SIPA1L2: variants seen among roughly 807,000 people sequenced by gnomAD.
The protein encoded by SIPA1L2 is signal-induced proliferation-associated 1-like protein 2.
In SIPA1L2, 56 loss-of-function variants were observed where a neutral mutation model predicts 163.9. That is an observed-to-expected ratio of 0.34 (90% confidence interval 0.28 to 0.43). The LOEUF (loss-of-function observed/expected upper bound fraction) is 0.43, where lower values mean the gene tolerates loss of function less well. SIPA1L2 is among the 20% of genes least tolerant of loss of function. SIPA1L2 has a pLI of 1.00. For missense variants in SIPA1L2, 1,974 were observed against 2,193.5 expected, an observed-to-expected ratio of 0.90 and a Z score of 2.00; for synonymous variants, 877 against 865.7, an observed-to-expected ratio of 1.01 and a Z score of -0.23.
chr1:232,512,089 A>T (rs924236570), intron 3 of SIPA1L2, among the ~76,000 whole-genome samples: 1 of 152,262 alleles, frequency 6.6e-6, no homozygotes, highest in Non-Finnish European at 1.5e-5. Context: ...TCTCAAAAGA[A>T]GACATTTATG....
At chr1:232,617,227 A>G (rs1662547607) in intron 1 of SIPA1L2, among the ~76,000 whole-genome samples, 1 of 152,232 alleles carries the variant, frequency 6.6e-6, no homozygotes, top group African/African-American at 2.4e-5. Flanking sequence ...CAATGCTGTG[A>G]GCTGGCCTGA....
chr1:232,561,987 C>T lies in SIPA1L2; in HGVS notation c.-270+12187G>A, dbSNP rs1315689629. 3.3e-5 allele frequency among the ~76,000 whole-genome samples: 5 copies of T among 152,184 alleles called. No homozygotes were observed. In the East Asian group the frequency reaches 5.8e-4, roughly 18 times the overall value. ...AAGCCAACCACCTGATGGGTCCCAC[C>T]GCGCCAGCTGCTCTGAGAGGCCCTG... On this transcript the variant is annotated intron_variant, in intron 2 of 22. Transcript: ENST00000674635.
chr1:232,598,673 C>T (rs1161567104), intron 1 of SIPA1L2, among the ~76,000 whole-genome samples: 1 of 152,148 alleles, frequency 6.6e-6, no homozygotes, highest in Non-Finnish European at 1.5e-5. Context: ...CACAGAACGT[C>T]ACCATCTTAC....
chr1:232,551,746 C>T (rs535630224), intron 2 of SIPA1L2, among the ~76,000 whole-genome samples: 1 of 152,378 alleles, frequency 6.6e-6, no homozygotes, highest in South Asian at 2.1e-4. Flanking sequence ...TAAAAAGCTA[C>T]AGCCGGAGTG....
chr1:232,618,839 C>T (rs910929112), intron 1 of SIPA1L2, among the ~76,000 whole-genome samples: 2 of 152,076 alleles, frequency 1.3e-5, no homozygotes, highest in South Asian at 4.2e-4. Context: ...TAATTTTATA[C>T]CAAAACGTCA....
chr1:232,595,664 G>A (rs974088233), intron 1 of SIPA1L2, among the ~76,000 whole-genome samples: 5 of 152,136 alleles, frequency 3.3e-5, no homozygotes, highest in Non-Finnish European at 7.3e-5. Flanking sequence ...ACTTTCATAT[G>A]AACTGTCTAA....
chr1:232,597,522 CCA>C (rs1661330619), intron 1 of SIPA1L2, among the ~76,000 whole-genome samples: 1 of 141,844 alleles, frequency 7.1e-6, no homozygotes, highest in Non-Finnish European at 1.5e-5. Flanking sequence ...CTAAAAAATA[CCA>C]AAAAAAAAAA....
At chr1:232,501,954 T>C (rs553910099) in intron 3 of SIPA1L2, among the ~76,000 whole-genome samples, 53 of 152,330 alleles carry the variant, frequency 3.5e-4, no homozygotes, top group African/African-American at 1.3e-3. Flanking sequence ...TTTTACTTTG[T>C]GGCATTATGC....
At chr1:232,402,357 G>A in intron 22 of SIPA1L2, 35 bp downstream of exon 22, 1 of 1,588,806 alleles carries the variant, frequency 6.3e-7, no homozygotes, top group East Asian at 2.2e-5. Context: ...TTTTATAAGA[G>A]AAACAGTTCT....
chr1:232,515,427 G>T lies in SIPA1L2; in HGVS notation c.-88C>A. On this transcript the variant is annotated 5_prime_UTR_variant, in exon 3 of 23. It adds an upstream start codon to the 5' untranslated region. Coordinates refer to ENST00000674635, the MANE Select transcript of SIPA1L2 (RefSeq NM_020808.5). ...TACCGACCACGCCATAATACTTGCA[G>T]ATATAAAGGCTTTGTCTGTAGTTGT... 7.5e-7 allele frequency: 1 copy of T among 1,340,788 alleles called. No individual in the cohort carries two copies. Among genetic ancestry groups the T allele is most frequent in the Non-Finnish European group, 1.0e-6 (1 of 997,746 alleles). 83.1% of individuals were successfully genotyped at this position (1,340,788 alleles called of 1,614,324 possible). A position where few individuals can be genotyped will look rare whatever the true frequency, so the allele number is the denominator to read the frequency against.
At chr1:232,544,265 T>C (rs900128682) in intron 2 of SIPA1L2, among the ~76,000 whole-genome samples, 1 of 152,176 alleles carries the variant, frequency 6.6e-6, no homozygotes, top group Admixed American at 6.5e-5. Flanking sequence ...GACTTTCTAA[T>C]ACAAAAGTGC....
chr1:232,449,022 C>T (rs1328446484), intron 10 of SIPA1L2, among the ~76,000 whole-genome samples: 8 of 151,946 alleles, frequency 5.3e-5, no homozygotes, highest in Non-Finnish European at 1.2e-4. Flanking sequence ...TGCTCACCAC[C>T]CCACAGAGAT....
At chr1:232,497,359 T>C (rs1422091192) in intron 3 of SIPA1L2, among the ~76,000 whole-genome samples, 1 of 150,242 alleles carries the variant, frequency 6.7e-6, no homozygotes, top group Non-Finnish European at 1.5e-5. Context: ...GCAGAGTCGA[T>C]GGGGGGAAGG....
At chr1:232,436,169 A>T (rs1662549925) in intron 15 of SIPA1L2, among the ~76,000 whole-genome samples, 1 of 152,170 alleles carries the variant, frequency 6.6e-6, no homozygotes, top group South Asian at 2.1e-4. Flanking sequence ...TTTATCAAGC[A>T]CTTTTCCTAG....
chr1:232,554,512 A>G (rs1658584668), intron 2 of SIPA1L2, among the ~76,000 whole-genome samples: 1 of 152,240 alleles, frequency 6.6e-6, no homozygotes, highest in Admixed American at 6.5e-5. Flanking sequence ...CCCTAAAAAT[A>G]GTTCCCTTTA....
Position 232,465,559 on chromosome 1 carries a change from C to CAT in SIPA1L2, c.2244-144_2244-143insAT. On this transcript the variant is annotated intron_variant, in intron 8 of 22. Coordinates refer to ENST00000674635, the MANE Select transcript of SIPA1L2 (RefSeq NM_020808.5). This position sits in a 1 kb window ranked among gnomAD's most constrained non-coding sequence, Gnocchi z 4.1. Reference sequence around the variant, plus strand: ...ATATACATACACACATACACACACACTTTCAACTTAACTGGTTTATTCTGC... The same window carrying CAT: ...ATATACATACACACATACACACACACATTTTCAACTTAACTGGTTTATTCTGC... 2.8e-6 allele frequency: 2 copies of CAT among 727,062 alleles called. No homozygotes were observed. Among genetic ancestry groups the CAT allele is most frequent in the Non-Finnish European group, 4.4e-6 (2 of 451,382 alleles). The allele number at this position is 727,062 out of a possible 1,614,324, so 45.0% of individuals were successfully genotyped here.
At chr1:232,441,169 C>T (rs1181984027) in intron 14 of SIPA1L2, 122 bp downstream of exon 14, 2 of 704,906 alleles carry the variant, frequency 2.8e-6, no homozygotes, top group Non-Finnish European at 4.5e-6. Flanking sequence ...TTAACCTCAC[C>T]TCTAAGAGCC....
intron 2 of SIPA1L2, among the ~76,000 whole-genome samples, chr1:232,529,352 A>T (rs1339803583): frequency 1.3e-5 from 2 of 152,178 alleles, no homozygotes; most frequent in East Asian, 3.9e-4. Context: ...CCTTCAAAAT[A>T]CGTTGTGTTC....
intron 6 of SIPA1L2, among the ~76,000 whole-genome samples, chr1:232,481,082 AT>A (rs1665329854): frequency 6.6e-6 from 1 of 152,236 alleles, no homozygotes; most frequent in South Asian, 2.1e-4. Context: ...TGGAGAGAAT[AT>A]TCATCCAAAA....
Sources: allele counts gnomAD v4.1 joint callset (sites outside exome capture counted in the v4.1 genomes callset), GRCh38; gene constraint gnomAD v4.1.1; non-coding constraint Gnocchi (gnomAD v3.1); transcripts MANE v1.5; gene names NCBI Gene and HGNC (gene_info 2026-07-23, HGNC 2026-07-21).